MEIS1: variants seen among roughly 807,000 people sequenced by gnomAD.
MEIS1 encodes homeobox protein Meis1.
In MEIS1, 5 loss-of-function variants were observed where a neutral mutation model predicts 50.8. The ratio of observed to expected loss-of-function variants is 0.10; its 90% confidence interval spans 0.05 to 0.21. The LOEUF (loss-of-function observed/expected upper bound fraction) is 0.21, where lower values mean the gene tolerates loss of function less well. Ranked by LOEUF, MEIS1 falls within the 10% of genes least tolerant of loss-of-function variation. The pLI, the probability that MEIS1 is intolerant of heterozygous loss-of-function variation, is 1.00. For synonymous variants in MEIS1, 176 were observed against 179.3 expected, an observed-to-expected ratio of 0.98 and a Z score of 0.15; for missense variants, 318 against 517.3, an observed-to-expected ratio of 0.61 and a Z score of 3.74.
chr2:66,543,262 C>A (rs980108044), intron 8 of MEIS1, among the ~76,000 whole-genome samples: 2 of 152,116 alleles, frequency 1.3e-5, no homozygotes, highest in Non-Finnish European at 1.5e-5. Flanking sequence ...TCATTTTATT[C>A]TTTGACGGGG....
intron 7 of MEIS1, among the ~76,000 whole-genome samples, chr2:66,510,277 C>T (rs963886163): frequency 1.3e-5 from 2 of 152,126 alleles, no homozygotes; most frequent in African/African-American, 4.8e-5. Flanking sequence ...TCATAAAATA[C>T]TTGGTTATGC....
chr2:66,473,482 C>A (rs1364464736), intron 7 of MEIS1, among the ~76,000 whole-genome samples: 1 of 147,406 alleles, frequency 6.8e-6, no homozygotes, highest in Non-Finnish European at 1.5e-5. Context: ...CTGTTGTCTG[C>A]TGAATTTTTG....
At chr2:66,450,614 A>G (rs1672256727) in intron 6 of MEIS1, among the ~76,000 whole-genome samples, 2 of 152,310 alleles carry the variant, frequency 1.3e-5, no homozygotes, top group South Asian at 4.1e-4. Flanking sequence ...AACCAAATAC[A>G]AAGTCTTACA....
At chr2:66,439,081 T>G (rs1671878829) in intron 2 of MEIS1, 1 of 122,786 alleles carries the variant, frequency 8.1e-6, no homozygotes. Context: ...CTTCTTCTTC[T>G]TTTTTTTTTT....
chr2:66,539,956 A>G (rs1674612338), intron 8 of MEIS1, among the ~76,000 whole-genome samples: 1 of 152,092 alleles, frequency 6.6e-6, no homozygotes, highest in African/African-American at 2.4e-5. Flanking sequence ...ACTCCCTTAT[A>G]ATATATTTTT....
At chr2:66,439,711 G>GA (rs754062764) in intron 2 of MEIS1, 132 bp from the exon 3 acceptor site, 18 of 1,553,524 alleles carry the variant, frequency 1.2e-5, no homozygotes, top group Non-Finnish European at 1.6e-5. Flanking sequence ...GGAGGAAAAG[G>GA]AAAAAAGTAG....
intron 8 of MEIS1, among the ~76,000 whole-genome samples, chr2:66,546,947 C>T (rs1438864732): frequency 1.3e-5 from 2 of 152,078 alleles, no homozygotes; most frequent in Non-Finnish European, 2.9e-5. Context: ...GTTTCCATGG[C>T]ACAGATAGTT....
intron 7 of MEIS1, among the ~76,000 whole-genome samples, chr2:66,500,323 G>A (rs1673519918): frequency 6.6e-6 from 1 of 152,160 alleles, no homozygotes; most frequent in Admixed American, 6.5e-5. Context: ...GTGCAGTGTA[G>A]GCATCAGGAT....
In MEIS1 at chr2:66,555,714, C is replaced by T. The variant is rs1323062939; in HGVS notation, c.965+7695C>T. The stretch of plus-strand genomic sequence containing the variant: ...GGTGATTAACCGTTAAGCACGGAAG[C>T]GCAGTACCCAGAGAGACCCTCTCTC... On this transcript the variant is annotated intron_variant, in intron 9 of 12. Coordinates refer to ENST00000272369, the MANE Select transcript of MEIS1 (RefSeq NM_002398.3). Among the ~76,000 whole-genome samples, 3 of 152,092 alleles carry T rather than the reference C, an allele frequency of 2.0e-5. No homozygotes were observed. In the East Asian group the frequency reaches 5.8e-4, roughly 29 times the overall value.
chr2:66,457,849 T>C (rs185964371), intron 6 of MEIS1, among the ~76,000 whole-genome samples: 1 of 152,328 alleles, frequency 6.6e-6, no homozygotes, highest in East Asian at 1.9e-4. Flanking sequence ...TGGTGCCTTC[T>C]CCATGCGGAC....
intron 8 of MEIS1, among the ~76,000 whole-genome samples, chr2:66,512,705 A>T (rs940879666): frequency 1.3e-5 from 2 of 152,188 alleles, no homozygotes; most frequent in African/African-American, 4.8e-5. Context: ...GGTCCACAAA[A>T]ATTTAAATCA....
At chr2:66,548,071 C>A in intron 9 of MEIS1, 52 bp downstream of exon 9, 1 of 1,563,168 alleles carries the variant, frequency 6.4e-7, no homozygotes, top group Non-Finnish European at 8.8e-7. Flanking sequence ...CCTCTGGCAA[C>A]CTGCAGCTCA....
At position 66,571,478 on chromosome 2, in the gene MEIS1, T is replaced by C. The variant is rs1363240856; in HGVS notation, c.*270T>C. 2 of 1,592,912 alleles carry C rather than the reference T, an allele frequency of 1.3e-6. No homozygotes were observed. Among genetic ancestry groups the C allele is most frequent in the Non-Finnish European group, 1.7e-6 (2 of 1,170,016 alleles). ...CAGCATCAAGCCCCACAGTTCTTAA[T>C]ACAGGAGACCCAACAATGAGTGGAC... On this transcript the variant is annotated 3_prime_UTR_variant, in exon 13 of 13. Transcript: ENST00000272369.
intron 6 of MEIS1, among the ~76,000 whole-genome samples, chr2:66,447,082 G>A (rs1163120527): frequency 4.6e-5 from 7 of 152,198 alleles, no homozygotes; most frequent in South Asian, 2.1e-4. Context: ...ATGAGGCAGG[G>A]AGGGCAAGAA....
At chr2:66,464,884 G>A (rs1018789989) in intron 7 of MEIS1, among the ~76,000 whole-genome samples, 4 of 152,218 alleles carry the variant, frequency 2.6e-5, no homozygotes, top group Non-Finnish European at 4.4e-5. Flanking sequence ...TAAACATCAA[G>A]CTAGTCTTCA....
chr2:66,537,554 C>T (rs981322773), intron 8 of MEIS1, among the ~76,000 whole-genome samples: 2 of 152,162 alleles, frequency 1.3e-5, no homozygotes, highest in African/African-American at 4.8e-5. Flanking sequence ...CTGTCTCTAT[C>T]TTTTTCTCTC....
intron 5 of MEIS1, 184 bp downstream of exon 5, chr2:66,441,648 C>A: frequency 1.8e-6 from 1 of 559,186 alleles, no homozygotes; most frequent in Non-Finnish European, 3.0e-6. Flanking sequence ...CAATTTCAGC[C>A]ACTAAAACTG....
chr2:66,478,491 T>C (rs931073517), intron 7 of MEIS1, among the ~76,000 whole-genome samples: 1 of 152,264 alleles, frequency 6.6e-6, no homozygotes, highest in African/African-American at 2.4e-5. Flanking sequence ...GTAAGTTGCA[T>C]ATGGCATGGA....
chr2:66,570,133 CA>C (rs1168685880), intron 12 of MEIS1: 1 of 152,104 alleles, frequency 6.6e-6, no homozygotes, highest in African/African-American at 2.4e-5. Context: ...CTGCTGAGGC[CA>C]GGGGTAATTC....
Sources: allele counts gnomAD v4.1 joint callset (sites outside exome capture counted in the v4.1 genomes callset), GRCh38; gene constraint gnomAD v4.1.1; transcripts MANE v1.5; gene names NCBI Gene and HGNC (gene_info 2026-07-23, HGNC 2026-07-21).